Variants in PRKN observed in about 807,000 individuals in gnomAD.
PRKN encodes the protein parkin RBR E3 ubiquitin protein ligase.
A neutral mutation model predicts 59.5 loss-of-function variants in PRKN; 56 were observed. The ratio of observed to expected loss-of-function variants is 0.94; its 90% CI spans 0.76 to 1.18. The LOEUF (loss-of-function observed/expected upper bound fraction) is 1.18, where lower values mean the gene tolerates loss of function less well. PRKN is among the 50% of genes most tolerant of loss of function. The pLI, the probability that PRKN is intolerant of heterozygous loss-of-function variation, is 0.00. For missense variants in PRKN, 657 were observed against 596.4 expected (o/e 1.10, Z -1.06); for synonymous variants, 250 against 222.1 (o/e 1.13, Z -1.12).
At position 161,581,449 on chromosome 6, in the gene PRKN, G is replaced by C. The variant is rs1781335901; in HGVS notation, c.872-12033C>G. Among the ~76,000 whole-genome samples the C allele has an allele frequency of 6.6e-6, 1 of 152,142 alleles. No homozygotes were observed. Among genetic ancestry groups the C allele is most frequent in the South Asian group, 2.1e-4 (1 of 4,828 alleles). On this transcript the variant is annotated intron_variant, in intron 7 of 11. Coordinates refer to ENST00000366898, the MANE Select transcript of PRKN (RefSeq NM_004562.3). This position sits in a 1 kb window ranked among gnomAD's most constrained non-coding sequence, Gnocchi z 4.5. Reference sequence around the variant, plus strand: ...TGCCCAATAAGTACATAAGCAAAAGGAGTTTTTTTGAGAAGTGTTGAGAGA... The same window carrying C: ...TGCCCAATAAGTACATAAGCAAAAGCAGTTTTTTTGAGAAGTGTTGAGAGA...
intron 6 of PRKN, among the ~76,000 whole-genome samples, chr6:161,854,747 T>C (rs1341534433): frequency 1.3e-5 from 2 of 152,108 alleles, no homozygotes; most frequent in Non-Finnish European, 2.9e-5. Context: ...CTTGATTCTC[T>C]TGAAACCAGT....
chr6:161,390,649 C>T lies in PRKN; in HGVS notation c.1084-3772G>A, dbSNP rs976804776. On this transcript the variant is annotated intron_variant, in intron 9 of 11. Coordinates refer to ENST00000366898, the MANE Select transcript of PRKN (RefSeq NM_004562.3). The surrounding 1 kb of genome is among the most constrained non-coding windows in gnomAD (Gnocchi z 7.0). Reference sequence around the variant, plus strand: ...GACTACAGGCGCCTGCCACCACGCCCGGCTAATTTTTGTATTTTTAGTAAA... The same window carrying T: ...GACTACAGGCGCCTGCCACCACGCCTGGCTAATTTTTGTATTTTTAGTAAA... Among the ~76,000 whole-genome samples, 2 of 152,006 alleles carry T rather than the reference C, an allele frequency of 1.3e-5. No individual in the cohort carries two copies. The highest frequency in any genetic ancestry group is 2.9e-5 in the Non-Finnish European group (2 of 68,020).
intron 2 of PRKN, among the ~76,000 whole-genome samples, chr6:162,309,453 G>C: frequency 6.6e-6 from 1 of 152,114 alleles, no homozygotes; most frequent in East Asian, 1.9e-4. Context: ...GCGTGAGCCA[G>C]AAAATCACAA....
chr6:161,619,257 A>G (rs1782803613), intron 7 of PRKN, among the ~76,000 whole-genome samples: 2 of 151,024 alleles, frequency 1.3e-5, no homozygotes, highest in African/African-American at 2.4e-5. Flanking sequence ...AAAAAAAAAA[A>G]AAGAGTGACG....
intron 2 of PRKN, among the ~76,000 whole-genome samples, chr6:162,371,584 G>A (rs933680343): frequency 5.3e-5 from 8 of 152,070 alleles, no homozygotes; most frequent in African/African-American, 1.9e-4. Context: ...TGGTTGCTGT[G>A]AGGACCAAAT....
intron 2 of PRKN, among the ~76,000 whole-genome samples, chr6:162,296,620 T>C (rs942505081): frequency 6.6e-6 from 1 of 152,114 alleles, no homozygotes; most frequent in Non-Finnish European, 1.5e-5. Flanking sequence ...CACATTGAGG[T>C]AAAGCAAAAA....
chr6:162,390,698 C>G (rs1787138420), intron 2 of PRKN, among the ~76,000 whole-genome samples: 1 of 152,090 alleles, frequency 6.6e-6, no homozygotes, highest in South Asian at 2.1e-4. Context: ...CCACCTCGGC[C>G]TTCCAAAGTG....
At chr6:162,357,929 G>A (rs1291427947) in intron 2 of PRKN, among the ~76,000 whole-genome samples, 2 of 152,172 alleles carry the variant, frequency 1.3e-5, no homozygotes, top group African/African-American at 2.4e-5. Flanking sequence ...AGATGAGTAC[G>A]TGGAGTACAG....
At chr6:161,779,435 C>CTTTCCTTTTTTTTTTTTTTTT (rs1234367519) in intron 7 of PRKN, among the ~76,000 whole-genome samples, 1 of 40,432 alleles carries the variant, frequency 2.5e-5, no homozygotes, top group Non-Finnish European at 4.9e-5. Context: ...TTTTTCTTTT[C>CTTTCCTTTTTTTTTTTTTTTT]TTTTCTTTTT....
At chr6:162,285,210 C>G (rs1326213375) in intron 2 of PRKN, among the ~76,000 whole-genome samples, 1 of 151,524 alleles carries the variant, frequency 6.6e-6, no homozygotes, top group East Asian at 1.9e-4. Flanking sequence ...TTACTGGTCC[C>G]TCTCGAATTC....
Position 161,454,248 on chromosome 6 carries a change from C to T in PRKN, c.1084-67371G>A, listed in dbSNP as rs1380513287. On this transcript the variant is annotated intron_variant, in intron 9 of 11. Coordinates refer to ENST00000366898, the MANE Select transcript of PRKN (RefSeq NM_004562.3). The surrounding 1 kb of genome is among the most constrained non-coding windows in gnomAD (Gnocchi z 4.6). ...CGGGGTGGCATTAGCACTGACGGCA[C>T]ATAGCCTGTGTCTTTTGAGCTCACT... 6.6e-6 allele frequency among the ~76,000 whole-genome samples: 1 copy of T among 152,170 alleles called. No homozygotes were observed. Among genetic ancestry groups the T allele is most frequent in the Non-Finnish European group, 1.5e-5 (1 of 68,032 alleles).
chr6:162,279,533 CT>C (rs1193069170), intron 2 of PRKN, among the ~76,000 whole-genome samples: 1 of 151,912 alleles, frequency 6.6e-6, no homozygotes, highest in Non-Finnish European at 1.5e-5. Context: ...ATTTGATTGC[CT>C]TGTGGTCTGA....
intron 4 of PRKN, among the ~76,000 whole-genome samples, chr6:162,197,407 A>G (rs7761781): frequency 0.011 from 1,687 of 152,318 alleles, 28 homozygotes; most frequent in African/African-American, 0.039. Flanking sequence ...GTACTAAAAT[A>G]TGGATTATAT....
chr6:161,686,599 T>TCCCCA (rs1785566306), intron 7 of PRKN, among the ~76,000 whole-genome samples: 1 of 152,182 alleles, frequency 6.6e-6, no homozygotes, highest in Non-Finnish European at 1.5e-5. Context: ...TCCTTAGATT[T>TCCCCA]GAATTAAACA....
intron 6 of PRKN, among the ~76,000 whole-genome samples, chr6:161,942,744 T>G (rs1779612300): frequency 6.6e-6 from 1 of 152,100 alleles, no homozygotes; most frequent in Admixed American, 6.6e-5. Flanking sequence ...GTTCATATCA[T>G]TTATTTGGAA....
In PRKN at chr6:161,527,526, C is replaced by T. The variant is rs2115374246; in HGVS notation, c.1083+21328G>A. Among the ~76,000 whole-genome samples the T allele has an allele frequency of 6.6e-6, 1 of 152,330 alleles. No homozygotes were observed. The highest frequency in any genetic ancestry group is 1.9e-4 in the East Asian group (1 of 5,180). ...CTAATTCACAGCAAGATGCCTTCTG[C>T]TACCAAGTGCTGTGGCCTCTCTCTG... On this transcript the variant is annotated intron_variant, in intron 9 of 11. Transcript: ENST00000366898. The surrounding 1 kb of genome is among the most constrained non-coding windows in gnomAD (Gnocchi z 4.6).
At chr6:162,353,651 C>T (rs1248502932) in intron 2 of PRKN, among the ~76,000 whole-genome samples, 1 of 152,030 alleles carries the variant, frequency 6.6e-6, no homozygotes, top group Non-Finnish European at 1.5e-5. Context: ...TTACCTTGTA[C>T]ATAGTTCCTG....
chr6:161,691,493 T>A (rs1785791237), intron 7 of PRKN, among the ~76,000 whole-genome samples: 2 of 152,182 alleles, frequency 1.3e-5, no homozygotes, highest in Admixed American at 1.3e-4. Context: ...CTACTTAACA[T>A]GGGGAATAGG....
At chr6:161,696,075 G>C (rs1786010153) in intron 7 of PRKN, among the ~76,000 whole-genome samples, 1 of 152,120 alleles carries the variant, frequency 6.6e-6, no homozygotes, top group African/African-American at 2.4e-5. Context: ...GAGCGATGAA[G>C]CTATAGGACA....
Sources: allele counts gnomAD v4.1 joint callset (sites outside exome capture counted in the v4.1 genomes callset), GRCh38; gene constraint gnomAD v4.1.1; non-coding constraint Gnocchi (gnomAD v3.1); transcripts MANE v1.5; gene names NCBI Gene and HGNC (gene_info 2026-07-23, HGNC 2026-07-21).